Variants in NUP37 observed in about 807,000 individuals in gnomAD.
NUP37 encodes nucleoporin Nup37.
NUP37 carries 33 observed loss-of-function variants against 45.4 expected under a neutral mutation model. The ratio of observed to expected loss-of-function variants is 0.73; its 90% confidence interval spans 0.55 to 0.97. NUP37 has a LOEUF of 0.97. Ranked by LOEUF, NUP37 falls within the 50% of genes least tolerant of loss-of-function variation. The pLI is 0.00. For synonymous variants in NUP37, 127 were observed against 130.7 expected (o/e 0.97, Z 0.19); for missense variants, 365 against 389.7 (o/e 0.94, Z 0.53).
At chr12:102,105,902 CTA>C (rs1024903013) in intron 3 of NUP37, among the ~76,000 whole-genome samples, 27 of 149,528 alleles carry the variant, frequency 1.8e-4, no homozygotes, top group Admixed American at 1.3e-3. Flanking sequence ...AAAGATAAGT[CTA>C]TGTGTTAACC....
chr12:102,077,581 G>T, intron 6 of NUP37, 78 bp from the exon 7 acceptor site: 1 of 1,311,246 alleles, frequency 7.6e-7, no homozygotes, highest in Non-Finnish European at 1.1e-6. Context: ...GAGATTCACT[G>T]TTGTACGGTA....
intron 3 of NUP37, among the ~76,000 whole-genome samples, chr12:102,105,113 A>G (rs71466204): frequency 0.021 from 3,154 of 152,312 alleles, 54 homozygotes; most frequent in Non-Finnish European, 0.027. Flanking sequence ...TCTTTCTGCA[A>G]TGTTTTGTAG....
intron 6 of NUP37, among the ~76,000 whole-genome samples, chr12:102,079,861 C>G (rs989916308): frequency 3.3e-5 from 5 of 152,156 alleles, no homozygotes; most frequent in African/African-American, 1.2e-4. Context: ...TCACCTTGTT[C>G]AATTTTAGGT....
At position 102,118,355 on chromosome 12, in the gene NUP37, A is replaced by C. The variant is rs1279369717; in HGVS notation, c.156+8T>G. Reference sequence around the variant, plus strand: ...TCACTGTCATTCGGTGCAGTTTTGTAGACTAACCTGAAACGTACACGTGCC... The same window carrying C: ...TCACTGTCATTCGGTGCAGTTTTGTCGACTAACCTGAAACGTACACGTGCC... On this transcript the variant is annotated splice_region_variant and intron_variant, in intron 2 of 9. Coordinates refer to ENST00000552283, the MANE Select transcript of NUP37 (RefSeq NM_024057.4). 3 of 1,609,424 alleles carry C rather than the reference A, an allele frequency of 1.9e-6. No individual in the cohort carries two copies. The East Asian group carries it at 6.7e-5, about 36-fold the overall frequency.
At chr12:102,113,433 A>T (rs1238385262) in intron 2 of NUP37, among the ~76,000 whole-genome samples, 3 of 152,260 alleles carry the variant, frequency 2.0e-5, no homozygotes, top group Non-Finnish European at 4.4e-5. Context: ...CAGCAGGTAT[A>T]CAGGGATCCA....
chr12:102,109,972 G>GC (rs1880264113), intron 3 of NUP37, among the ~76,000 whole-genome samples: 1 of 152,206 alleles, frequency 6.6e-6, no homozygotes, highest in East Asian at 1.9e-4. Flanking sequence ...GAAATCAACA[G>GC]CACACCAGCT....
chr12:102,076,279 G>C (rs890477840), intron 8 of NUP37, among the ~76,000 whole-genome samples: 2 of 152,006 alleles, frequency 1.3e-5, no homozygotes, highest in Non-Finnish European at 2.9e-5. Flanking sequence ...AATTTCACTG[G>C]TTTTAGTCTC....
Position 102,096,960 on chromosome 12 carries a change from C to T in NUP37, c.449+2146G>A, listed in dbSNP as rs543361804. Among the ~76,000 whole-genome samples the T allele has an allele frequency of 4.6e-5, 7 of 151,832 alleles. No homozygotes were observed. In the East Asian group the frequency reaches 5.8e-4, roughly 13 times the overall value. Reference sequence around the variant, plus strand: ...CCTAGTTTGATGTTGTGCATCAACCCGAAAATCTCGGTGGTTTACAGAAAT... The same window carrying T: ...CCTAGTTTGATGTTGTGCATCAACCTGAAAATCTCGGTGGTTTACAGAAAT... On this transcript the variant is annotated intron_variant, in intron 5 of 9. Transcript: ENST00000552283.
intron 1 of NUP37, chr12:102,119,305 G>A (rs573361926): frequency 6.6e-6 from 1 of 152,338 alleles, no homozygotes; most frequent in South Asian, 2.1e-4. Flanking sequence ...AATAGCTAAT[G>A]CATGTGGAGC....
chr12:102,085,986 C>A lies in NUP37; in HGVS notation c.450-130G>T, dbSNP rs138724101. On this transcript the variant is annotated intron_variant, in intron 5 of 9. Transcript: ENST00000552283. ...ACAGACATTTGTACTTAATGTATAT[C>A]TTTTTAAAGAAAATTATAACACCAC... The A allele has an allele frequency of 1.2e-4, 51 of 422,404 alleles. No homozygotes were observed. The East Asian group carries it at 1.8e-3, about 15-fold the overall frequency. 26.2% of individuals were successfully genotyped at this position (422,404 alleles called of 1,614,324 possible).
At chr12:102,078,966 A>C (rs1255220404) in intron 6 of NUP37, 1 of 187,242 alleles carries the variant, frequency 5.3e-6, no homozygotes, top group Non-Finnish European at 1.1e-5. Flanking sequence ...GTGGGAGATA[A>C]GGTATGAGAT....
chr12:102,076,727 A>G (rs1282007503), intron 8 of NUP37, 70 bp downstream of exon 8: 6 of 1,304,398 alleles, frequency 4.6e-6, no homozygotes, highest in Admixed American at 1.8e-5. Flanking sequence ...GAGAACTACA[A>G]AAGTATCCCA....
intron 5 of NUP37, among the ~76,000 whole-genome samples, chr12:102,093,276 T>G (rs1879712634): frequency 6.6e-6 from 1 of 152,088 alleles, no homozygotes; most frequent in South Asian, 2.1e-4. Context: ...GATAAAAATT[T>G]TATCAATTTG....
intron 5 of NUP37, 152 bp from the exon 6 acceptor site, chr12:102,086,008 C>CTCCGTCTCCGTCTCCGTCTCCGTCTCCGT: frequency 4.6e-6 from 2 of 434,908 alleles, no homozygotes; most frequent in South Asian, 4.5e-5. Flanking sequence ...AATTATAACA[C>CTCCGTCTCCGTCTCCGTCTCCGTCTCCGT]CACTTTTAAG....
Position 102,101,112 on chromosome 12 carries a change from C to A in NUP37, c.282-8G>T, listed in dbSNP as rs760774176. ...GCAGCTGAAGTACAAAATCTGGAAG[C>A]AAAAAAACAAAAATATACCAATTTT... On this transcript the variant is annotated splice_region_variant and splice_polypyrimidine_tract_variant and intron_variant, in intron 3 of 9. Transcript: ENST00000552283. 2.0e-6 allele frequency: 3 copies of A among 1,524,652 alleles called. No individual in the cohort carries two copies. Among genetic ancestry groups the A allele is most frequent in the South Asian group, 2.5e-5 (2 of 80,624 alleles). The allele number at this position is 1,524,652 out of a possible 1,614,324, so 94.4% of individuals were successfully genotyped here. A position where few individuals can be genotyped will look rare whatever the true frequency, so the allele number is the denominator to read the frequency against.
intron 3 of NUP37, 39 bp from the exon 4 acceptor site, chr12:102,101,143 T>G: frequency 7.9e-7 from 1 of 1,268,234 alleles, no homozygotes; most frequent in Non-Finnish European, 1.1e-6. Context: ...ATTTTTAGCC[T>G]TTGTAAGTGA....
intron 3 of NUP37, among the ~76,000 whole-genome samples, chr12:102,111,436 T>C (rs1880315349): frequency 1.3e-5 from 2 of 152,202 alleles, no homozygotes; most frequent in South Asian, 4.1e-4. Context: ...AGTATCTAAA[T>C]TATCCCTTAA....
intron 3 of NUP37, among the ~76,000 whole-genome samples, chr12:102,106,496 A>G (rs1470638719): frequency 6.6e-6 from 1 of 152,190 alleles, no homozygotes; most frequent in Non-Finnish European, 1.5e-5. Context: ...CTCAGGGCTC[A>G]GTTTCCTCCT....
intron 8 of NUP37, 69 bp from the exon 9 acceptor site, chr12:102,075,163 G>A: frequency 1.0e-6 from 1 of 997,710 alleles, no homozygotes; most frequent in Non-Finnish European, 1.5e-6. Flanking sequence ...TCTGAAGCGG[G>A]CTTTTTCTTT....
Sources: gnomAD v4.1 joint callset for allele counts (sites outside exome capture counted in the v4.1 genomes callset) on GRCh38, gnomAD v4.1.1 for gene constraint, MANE v1.5 for transcripts, NCBI Gene and HGNC (gene_info 2026-07-23, HGNC 2026-07-21) for gene names.